Variants in TRIO observed in about 807,000 individuals in gnomAD.
The protein encoded by TRIO is trio Rho guanine nucleotide exchange factor, also known as triple functional domain protein.
A neutral mutation model predicts 351.9 loss-of-function variants in TRIO; 58 were observed. The ratio of observed to expected loss-of-function variants is 0.16; its 90% confidence interval spans 0.13 to 0.21. TRIO has a LOEUF of 0.21. Ranked by LOEUF, TRIO falls within the 10% of genes least tolerant of loss-of-function variation. TRIO has a pLI of 1.00. For missense variants in TRIO, 3,201 were observed against 4,027.8 expected (o/e 0.79, Z 5.56); for synonymous variants, 1,758 against 1,595.7 (o/e 1.10, Z -2.42).
At chr5:14,160,903 C>A (rs746998930) in intron 1 of TRIO, among the ~76,000 whole-genome samples, 1 of 152,112 alleles carries the variant, frequency 6.6e-6, no homozygotes, top group Non-Finnish European at 1.5e-5. Flanking sequence ...CATGTGATGC[C>A]CAAACATACA....
chr5:14,378,626 C>G (rs779184020), intron 20 of TRIO, among the ~76,000 whole-genome samples: 8 of 151,602 alleles, frequency 5.3e-5, no homozygotes, highest in Non-Finnish European at 1.2e-4. Flanking sequence ...ATGGCACGGT[C>G]TCAGCTTACT....
Position 14,388,495 on chromosome 5 carries a change from A to G in TRIO, c.3882-118A>G, listed in dbSNP as rs910411945. ...TCTATTTGTGATTCACCTCTCCAAA[A>G]TGATCAATCTAAGACTAATACTTTT... On this transcript the variant is annotated intron_variant, in intron 23 of 56. Coordinates refer to ENST00000344204, the MANE Select transcript of TRIO (RefSeq NM_007118.4). The G allele has an allele frequency of 4.4e-5, 44 of 995,390 alleles. No homozygotes were observed. In the South Asian group the frequency reaches 4.8e-4, roughly 11 times the overall value. The allele number at this position is 995,390 out of a possible 1,614,324, so 61.7% of individuals were successfully genotyped here.
chr5:14,271,389 T>G (rs1795965915), intron 2 of TRIO, among the ~76,000 whole-genome samples: 1 of 152,182 alleles, frequency 6.6e-6, no homozygotes, highest in South Asian at 2.1e-4. Flanking sequence ...ACCCATGTCA[T>G]GGACGATGAA....
chr5:14,391,070 A>G (rs1747041922), intron 27 of TRIO, 80 bp downstream of exon 27: 4 of 1,043,896 alleles, frequency 3.8e-6, no homozygotes, highest in Non-Finnish European at 5.5e-6. Flanking sequence ...ACTTTCACCT[A>G]ATTGATAGTA....
chr5:14,358,396 G>T, intron 12 of TRIO, 49 bp downstream of exon 12: 1 of 1,599,234 alleles, frequency 6.3e-7, no homozygotes, highest in Non-Finnish European at 8.6e-7. Context: ...AACCCTGCCT[G>T]TGACTCCCCT....
chr5:14,175,642 A>G (rs1298850105), intron 1 of TRIO, among the ~76,000 whole-genome samples: 1 of 152,248 alleles, frequency 6.6e-6, no homozygotes, highest in East Asian at 1.9e-4. Flanking sequence ...AAGCTTACTT[A>G]TATCTACCTG....
chr5:14,245,734 G>A (rs879765390), intron 1 of TRIO, among the ~76,000 whole-genome samples: 2 of 152,162 alleles, frequency 1.3e-5, no homozygotes, highest in Non-Finnish European at 2.9e-5. Context: ...AGAAGAACAC[G>A]GGGCAAATGA....
At chr5:14,152,100 T>A (rs1489365770) in intron 1 of TRIO, among the ~76,000 whole-genome samples, 2 of 152,208 alleles carry the variant, frequency 1.3e-5, no homozygotes, top group Non-Finnish European at 2.9e-5. Context: ...TCTCTAAAGT[T>A]TAAATTGCCC....
At chr5:14,316,106 C>T (rs1220939476) in intron 8 of TRIO, among the ~76,000 whole-genome samples, 7 of 152,230 alleles carry the variant, frequency 4.6e-5, no homozygotes, top group East Asian at 1.9e-4. Context: ...TAACATGTCT[C>T]GAGATAAAAT....
intron 1 of TRIO, among the ~76,000 whole-genome samples, chr5:14,241,264 T>C (rs1794109911): frequency 6.6e-6 from 1 of 152,194 alleles, no homozygotes; most frequent in African/African-American, 2.4e-5. Context: ...TTTATAGTTA[T>C]TGTGTTCTAT....
intron 1 of TRIO, among the ~76,000 whole-genome samples, chr5:14,225,725 T>G (rs1029131264): frequency 6.6e-6 from 1 of 150,738 alleles, no homozygotes; most frequent in Non-Finnish European, 1.5e-5. Context: ...TCCCTTTTGA[T>G]GAACACAGAG....
In TRIO at chr5:14,419,931, C is replaced by T; in HGVS notation, c.5113C>T (p.Pro1705Ser). Residue 1705 changes from proline to serine, a missense_variant, in exon 34 of 57, where the codon CCA (proline) becomes TCA (serine). Around this residue, in one of 19 missense-constraint regions of TRIO, gnomAD observed 193 missense variants for 218.8 expected, o/e 0.88. Transcript: ENST00000344204. ...WCLVRTTDRS[P>S]AAEGLVPCGS... ...TCTGGTGCGGACAACTGACCGCTCC[C>T]CAGCGGCAGAAGGCCTGGTCCCCTG... The T allele has an allele frequency of 6.2e-7, 1 of 1,614,210 alleles. No individual in the cohort carries two copies. Among genetic ancestry groups the T allele is most frequent in the Non-Finnish European group, 8.5e-7 (1 of 1,180,020 alleles).
chr5:14,464,458 C>G (rs1579733629), intron 36 of TRIO, among the ~76,000 whole-genome samples: 4 of 152,204 alleles, frequency 2.6e-5, no homozygotes, highest in African/African-American at 9.6e-5. Flanking sequence ...AATCTCGTGA[C>G]TAATTTTTTG....
chr5:14,315,834 G>A (rs1037457028), intron 8 of TRIO, among the ~76,000 whole-genome samples: 5 of 152,008 alleles, frequency 3.3e-5, no homozygotes, highest in Non-Finnish European at 5.9e-5. Flanking sequence ...TGATTAACCC[G>A]AATACTTTCA....
intron 1 of TRIO, among the ~76,000 whole-genome samples, chr5:14,178,672 G>T (rs2152134461): frequency 6.6e-6 from 1 of 152,294 alleles, no homozygotes; most frequent in South Asian, 2.1e-4. Flanking sequence ...AGTATGTAGA[G>T]GGTGAGAGTC....
intron 13 of TRIO, among the ~76,000 whole-genome samples, chr5:14,360,072 C>T (rs1355436135): frequency 6.6e-6 from 1 of 152,104 alleles, no homozygotes; most frequent in Non-Finnish European, 1.5e-5. Context: ...CCATCTTTCT[C>T]TCTCTTGCCC....
chr5:14,258,044 C>G (rs937499039), intron 1 of TRIO, among the ~76,000 whole-genome samples: 5 of 152,240 alleles, frequency 3.3e-5, no homozygotes, highest in Admixed American at 6.5e-5. Flanking sequence ...ACAGTCACCC[C>G]CCCTGGGAGG....
At chr5:14,359,674 A>T in intron 13 of TRIO, 143 bp downstream of exon 13, 1 of 998,102 alleles carries the variant, frequency 1.0e-6, no homozygotes, top group Non-Finnish European at 1.4e-6. Context: ...GGGGTGTGGG[A>T]GGGAGAGAGG....
At chr5:14,258,083 C>G (rs1158859937) in intron 1 of TRIO, among the ~76,000 whole-genome samples, 2 of 152,208 alleles carry the variant, frequency 1.3e-5, no homozygotes, top group Non-Finnish European at 2.9e-5. Context: ...AACTAGACAC[C>G]TAAGTAACTG....
Sources: allele counts gnomAD v4.1 joint callset (sites outside exome capture counted in the v4.1 genomes callset), GRCh38; gene constraint gnomAD v4.1.1; regional missense constraint gnomAD v4.1.1; transcripts MANE v1.5; gene names NCBI Gene and HGNC (gene_info 2026-07-23, HGNC 2026-07-21).